Variants in NAF1 observed in about 807,000 individuals in gnomAD.
The protein encoded by NAF1 is nuclear assembly factor 1 ribonucleoprotein.
Under a neutral mutation model 40.6 loss-of-function variants are expected in NAF1, and 11 were observed. That is an observed-to-expected ratio of 0.27 (90% CI 0.17 to 0.45). NAF1 has a LOEUF of 0.45. NAF1 is among the 20% of genes least tolerant of loss of function. The pLI, the probability that NAF1 is intolerant of heterozygous loss-of-function variation, is 1.00. For synonymous variants in NAF1, 260 were observed against 228.5 expected (o/e 1.14, Z -1.24); for missense variants, 607 against 611.1 (o/e 0.99, Z 0.07).
At position 163,128,988 on chromosome 4, in the gene NAF1, G is replaced by C; in HGVS notation, c.1394C>G (p.Pro465Arg). The change falls in exon 8 of 8, where the codon CCA becomes CGA. Residue 465 changes from proline to arginine, a missense_variant. Pro to Arg is a moderately radical substitution (Grantham distance 103). Around this residue, in one of 3 missense-constraint regions of NAF1, gnomAD observed 189 missense variants for 216.6 expected, o/e 0.87. Coordinates refer to ENST00000274054, the MANE Select transcript of NAF1 (RefSeq NM_138386.3). The stretch of plus-strand genomic sequence containing the variant: ...GGGAGGGGGTGGGGGTAGGGAGTAT[G>C]GTAAGTTAAGTAATGGATGAGCAGC... ...NMAAHPLLNL[P>R]YSLPPPPPPP... 6.8e-7 allele frequency: 1 copy of C among 1,479,342 alleles called. No homozygotes were observed. Among genetic ancestry groups the C allele is most frequent in the Non-Finnish European group, 9.1e-7 (1 of 1,097,410 alleles). The allele number at this position is 1,479,342 out of a possible 1,614,324, so 91.6% of individuals were successfully genotyped here.
chr4:163,151,377 T>A (rs74692481), intron 2 of NAF1, among the ~76,000 whole-genome samples: 2 of 151,884 alleles, frequency 1.3e-5, no homozygotes, highest in African/African-American at 2.4e-5. Flanking sequence ...TTTTTTTTTT[T>A]AATATTTGTG....
At chr4:163,123,351 G>A (rs767220672), downstream of NAF1, among the ~76,000 whole-genome samples, 16 of 152,196 alleles carry the variant, frequency 1.1e-4, no homozygotes, top group Non-Finnish European at 2.2e-4. Flanking sequence ...AAGATTTGGA[G>A]GGGACAAAGG....
intron 2 of NAF1, among the ~76,000 whole-genome samples, chr4:163,113,613 C>G (rs376516501): frequency 7.6e-6 from 1 of 130,848 alleles, no homozygotes; most frequent in South Asian, 2.6e-4. Context: ...TTCTCTGTGT[C>G]TGTGTTTTCC....
Position 163,166,435 on chromosome 4 carries a change from G to A in NAF1, c.293C>T (p.Ser98Phe). ...CCGCGCAGGCTCTGCGGCTCCTGGG[G>A]AGGTGACGCAGTCTCCGCAGGCCGG... ...ESPACGDCVT[S>F]PGAAEPARAP... Residue 98 changes from serine to phenylalanine, a missense_variant, in exon 1 of 8, where the codon TCC becomes TTC. Ser to Phe is a radical substitution (Grantham distance 155, BLOSUM62 -2). This residue lies in a region of NAF1 where 407 missense variants were observed against 365.5 expected (regional missense o/e 1.11). Transcript: ENST00000274054. 1 of 1,607,926 alleles carries A rather than the reference G, an allele frequency of 6.2e-7. No homozygotes were observed. Among genetic ancestry groups the A allele is most frequent in the Middle Eastern group, 1.7e-4 (1 of 6,002 alleles).
intron 2 of NAF1, among the ~76,000 whole-genome samples, chr4:163,113,735 A>G (rs920930949): frequency 6.6e-6 from 1 of 152,242 alleles, no homozygotes; most frequent in African/African-American, 2.4e-5. Context: ...AGTAGAAATC[A>G]AATCAATGCA....
intron 4 of NAF1, 127 bp from the exon 5 acceptor site, chr4:163,140,510 T>A (rs1731221707): frequency 5.6e-6 from 4 of 715,842 alleles, no homozygotes; most frequent in Admixed American, 3.1e-5. Flanking sequence ...GTTAGGGCAA[T>A]AAAATAATTT....
At chr4:163,166,257 A>G in intron 1 of NAF1, 106 bp downstream of exon 1, 1 of 1,384,562 alleles carries the variant, frequency 7.2e-7, no homozygotes, top group Non-Finnish European at 9.6e-7. Context: ...CGACCTGCCC[A>G]CCCTCCAGGG....
At position 163,129,077 on chromosome 4, in the gene NAF1, G is replaced by C. The variant is rs750975362; in HGVS notation, c.1305C>G (p.Pro435=). The C allele has an allele frequency of 1.3e-6, 2 of 1,575,256 alleles. No individual in the cohort carries two copies. Among genetic ancestry groups the C allele is most frequent in the Non-Finnish European group, 1.7e-6 (2 of 1,156,596 alleles). ...PLPVFDMHNF[P]LRPPPPPPPP... is the part of the protein sequence containing the mutation. Reference sequence around the variant, plus strand: ...GTGGTGGTGGGGGTGGAGGGCGGAGGGGAAAATTATGCATGTCAAACACTG... The same window carrying C: ...GTGGTGGTGGGGGTGGAGGGCGGAGCGGAAAATTATGCATGTCAAACACTG... Residue 435 remains proline, a synonymous_variant, in exon 8 of 8, where the codon CCC becomes CCG. Coordinates refer to ENST00000274054, the MANE Select transcript of NAF1 (RefSeq NM_138386.3).
chr4:163,137,038 A>G (rs1199372035), intron 6 of NAF1, among the ~76,000 whole-genome samples, 161 bp downstream of exon 6: 1 of 152,222 alleles, frequency 6.6e-6, no homozygotes, highest in East Asian at 1.9e-4. Flanking sequence ...GGTATGAAAT[A>G]GTCATCTAGG....
intron 2 of NAF1, among the ~76,000 whole-genome samples, chr4:163,148,797 A>G (rs2320615): frequency 0.78 from 118,421 of 152,082 alleles, 46,141 homozygotes; most frequent in South Asian, 0.84. Context: ...TAATTCTACT[A>G]GTAACTATAA....
At chr4:163,146,000 T>C (rs1731451246) in intron 3 of NAF1, 136 bp from the exon 4 acceptor site, 2 of 518,966 alleles carry the variant, frequency 3.9e-6, no homozygotes, top group Admixed American at 7.8e-5. Flanking sequence ...CCATTTTCTC[T>C]TCAGTAAACA....
chr4:163,143,849 C>CT, intron 4 of NAF1: 1 of 183,574 alleles, frequency 5.4e-6, no homozygotes, highest in South Asian at 1.8e-4. Context: ...TTATCAATCA[C>CT]TTTGTGCTTT....
chr4:163,147,950 G>C (rs772117071), intron 3 of NAF1, among the ~76,000 whole-genome samples: 1 of 152,048 alleles, frequency 6.6e-6, no homozygotes, highest in Non-Finnish European at 1.5e-5. Context: ...TTCTCCCCTA[G>C]TACCTACAGA....
At chr4:163,119,870 G>A (rs968375559) in intron 2 of NAF1, 1 of 152,188 alleles carries the variant, frequency 6.6e-6, no homozygotes, top group Non-Finnish European at 1.5e-5. Context: ...AATGCCCACA[G>A]CTACTTTCTT....
downstream of NAF1, among the ~76,000 whole-genome samples, chr4:163,109,073 T>C (rs1293353684): frequency 6.6e-6 from 1 of 152,100 alleles, no homozygotes; most frequent in Admixed American, 6.6e-5. Context: ...ACTTATCATA[T>C]TCCAAGGCAT....
In NAF1 at chr4:163,110,252, C is replaced by CAA. The variant is rs1452883447; in HGVS notation, c.*23_*24insTT. Reference sequence around the variant, plus strand: ...AGTACTCTCCCCTCATCTGTGCTGTCACTTTTCGTGGTTTCAGTTACCTTC... The same window carrying CAA: ...AGTACTCTCCCCTCATCTGTGCTGTCAAACTTTTCGTGGTTTCAGTTACCTTC... On this transcript the variant is annotated 3_prime_UTR_variant, in exon 3 of 3. Transcript: ENST00000509434. 4.3e-6 allele frequency: 3 copies of CAA among 701,122 alleles called. No individual in the cohort carries two copies. In the South Asian group the frequency reaches 4.5e-5, roughly 10 times the overall value. The allele number at this position is 701,122 out of a possible 1,614,324, so 43.4% of individuals were successfully genotyped here. A position where few individuals can be genotyped will look rare whatever the true frequency, so the allele number is the denominator to read the frequency against.
At chr4:163,107,495 G>C (rs1730068343), downstream of NAF1, among the ~76,000 whole-genome samples, 1 of 152,094 alleles carries the variant, frequency 6.6e-6, no homozygotes, top group Non-Finnish European at 1.5e-5. Context: ...TCTGTTTCAG[G>C]TTTAGATCGT....
At chr4:163,149,827 G>A (rs1303482277) in intron 2 of NAF1, among the ~76,000 whole-genome samples, 1 of 152,136 alleles carries the variant, frequency 6.6e-6, no homozygotes, top group Non-Finnish European at 1.5e-5. Flanking sequence ...CTTAGCTAAA[G>A]CAATCTCAAA....
chr4:163,110,742 C>T (rs1730135205), intron 2 of NAF1, among the ~76,000 whole-genome samples: 1 of 152,058 alleles, frequency 6.6e-6, no homozygotes, highest in Admixed American at 6.6e-5. Context: ...TTTTTGTTTC[C>T]ATCAAGTTAA....
Sources: allele counts gnomAD v4.1 joint callset (sites outside exome capture counted in the v4.1 genomes callset), GRCh38; gene constraint gnomAD v4.1.1; regional missense constraint gnomAD v4.1.1; transcripts MANE v1.5; gene names NCBI Gene and HGNC (gene_info 2026-07-23, HGNC 2026-07-21).